Variants in IQCK observed in about 807,000 individuals in gnomAD.
IQCK encodes the protein IQ domain-containing protein K.
In IQCK, 29 loss-of-function variants were observed where a neutral mutation model predicts 28.1. The ratio of observed to expected loss-of-function variants is 1.03; its 90% confidence interval spans 0.77 to 1.41. IQCK has a LOEUF of 1.41. Among genes scored for constraint, IQCK ranks in the 40% most tolerant of loss-of-function variants. The pLI is 0.00. For synonymous variants in IQCK, 113 were observed against 115.1 expected, an observed-to-expected ratio of 0.98 and a Z score of 0.12; for missense variants, 359 against 314.7, an observed-to-expected ratio of 1.14 and a Z score of -1.07.
At chr16:19,752,720 T>C (rs1311583532) in intron 4 of IQCK, among the ~76,000 whole-genome samples, 2 of 152,132 alleles carry the variant, frequency 1.3e-5, no homozygotes, top group African/African-American at 4.8e-5. Context: ...CATGCCACCA[T>C]GCCTGGCTAG....
Position 19,718,332 on chromosome 16 carries a change from G to GC in IQCK, c.28dup (p.His10ProfsTer54), listed in dbSNP as rs1460221907. The GC allele has an allele frequency of 6.2e-7, 1 of 1,609,378 alleles. No homozygotes were observed. Among genetic ancestry groups the GC allele is most frequent in the African/African-American group, 1.3e-5 (1 of 74,844 alleles). ...ATGGCGGCACCGCGGCAAATCCCCA[G>GC]CCACATAGTGCGCCTCAAGCCCAGC... is the stretch of plus-strand genomic sequence containing the variant. On this transcript the variant is annotated frameshift_variant, in exon 1 of 8. Coordinates refer to ENST00000564186, the Ensembl canonical transcript of IQCK. LOFTEE classifies it high-confidence loss of function.
chr16:19,817,599 G>A (rs2056006303), intron 7 of IQCK, among the ~76,000 whole-genome samples: 1 of 152,160 alleles, frequency 6.6e-6, no homozygotes, highest in Non-Finnish European at 1.5e-5. Context: ...AGAATGATGA[G>A]GAAATGGATG....
At chr16:19,852,532 C>T (rs141744158) in intron 9 of IQCK, among the ~76,000 whole-genome samples, 2 of 152,088 alleles carry the variant, frequency 1.3e-5, no homozygotes, top group African/African-American at 4.8e-5. Flanking sequence ...GCTCTTTTCA[C>T]GTTTGTATGC....
chr16:19,732,605 C>T (rs1357079513), intron 2 of IQCK, among the ~76,000 whole-genome samples: 1 of 152,184 alleles, frequency 6.6e-6, no homozygotes, highest in Non-Finnish European at 1.5e-5. Context: ...GGACTACAGG[C>T]GTATGCCACC....
chr16:19,748,099 G>A (rs571673876), intron 4 of IQCK, among the ~76,000 whole-genome samples: 1 of 130,604 alleles, frequency 7.7e-6, no homozygotes, highest in South Asian at 2.4e-4. Flanking sequence ...TTTTGAGACA[G>A]TGTCTTACTC....
At chr16:19,733,328 G>A (rs1027129014) in intron 2 of IQCK, among the ~76,000 whole-genome samples, 2 of 151,942 alleles carry the variant, frequency 1.3e-5, no homozygotes, top group East Asian at 1.9e-4. Flanking sequence ...TAGTAGAAAC[G>A]GGATTTCACC....
chr16:19,744,866 G>C (rs953754258), intron 4 of IQCK, among the ~76,000 whole-genome samples: 2 of 152,174 alleles, frequency 1.3e-5, no homozygotes, highest in African/African-American at 4.8e-5. Flanking sequence ...CAAATAGCTG[G>C]TGGAAGTACA....
chr16:19,808,771 C>T (rs774911068), intron 7 of IQCK, among the ~76,000 whole-genome samples: 1 of 152,214 alleles, frequency 6.6e-6, no homozygotes, highest in Non-Finnish European at 1.5e-5. Context: ...TGTGCAGTTG[C>T]ACAGGGCAGT....
At chr16:19,754,766 C>CT (rs1597522764) in intron 4 of IQCK, among the ~76,000 whole-genome samples, 1 of 152,176 alleles carries the variant, frequency 6.6e-6, no homozygotes, top group East Asian at 1.9e-4. Flanking sequence ...GGAAGAAACT[C>CT]TATTTCCTGG....
At chr16:19,811,391 C>A (rs185937514) in intron 7 of IQCK, among the ~76,000 whole-genome samples, 1 of 152,340 alleles carries the variant, frequency 6.6e-6, no homozygotes, top group African/African-American at 2.4e-5. Context: ...GCAACTTATT[C>A]ATTCCCTGGT....
intron 9 of IQCK, among the ~76,000 whole-genome samples, chr16:19,837,055 T>C (rs910818858): frequency 6.6e-6 from 1 of 152,178 alleles, no homozygotes; most frequent in Non-Finnish European, 1.5e-5. Context: ...CAATAAATGA[T>C]AATTATTATT....
At chr16:19,766,457 A>G (rs1396050778) in intron 6 of IQCK, among the ~76,000 whole-genome samples, 1 of 152,244 alleles carries the variant, frequency 6.6e-6, no homozygotes, top group East Asian at 1.9e-4. Flanking sequence ...GGTCCAAGGC[A>G]AGAACTCAAA....
At chr16:19,807,598 A>G (rs899586682) in intron 7 of IQCK, among the ~76,000 whole-genome samples, 1 of 152,136 alleles carries the variant, frequency 6.6e-6, no homozygotes, top group Non-Finnish European at 1.5e-5. Context: ...GCATCTTTAC[A>G]TGGTTCCCAG....
intron 6 of IQCK, among the ~76,000 whole-genome samples, chr16:19,777,457 GA>G (rs535323424): frequency 2.1e-4 from 31 of 151,214 alleles, no homozygotes; most frequent in African/African-American, 6.8e-4. Context: ...CCTCTTGATA[GA>G]AAAAAAAATC....
At position 19,779,061 on chromosome 16, in the gene IQCK, C is replaced by A. The variant is rs185372100; in HGVS notation, c.606-9777C>A. 4.7e-3 allele frequency among the ~76,000 whole-genome samples: 713 copies of A among 152,250 alleles called. 5 individuals carry two copies. The highest frequency in any genetic ancestry group is 0.017 in the African/African-American group (696 of 41,534). ...GCAGTGGTGCGATCATAGCTCACTG[C>A]AGCCTCGAACTCCTGCCCTCAAGCA... On this transcript the variant is annotated intron_variant, in intron 6 of 7. Coordinates refer to ENST00000564186, the Ensembl canonical transcript of IQCK.
At chr16:19,750,363 G>C in intron 4 of IQCK, among the ~76,000 whole-genome samples, 1 of 152,034 alleles carries the variant, frequency 6.6e-6, no homozygotes. Flanking sequence ...CTGATCTCAA[G>C]TGATCTGTCC....
At chr16:19,742,798 A>G (rs571330328) in intron 4 of IQCK, among the ~76,000 whole-genome samples, 46 of 152,328 alleles carry the variant, frequency 3.0e-4, no homozygotes, top group East Asian at 5.8e-4. Context: ...TTTCTATGAC[A>G]TGGCCCCCAT....
chr16:19,741,132 A>C (rs1401870201), intron 4 of IQCK, among the ~76,000 whole-genome samples: 1 of 152,084 alleles, frequency 6.6e-6, no homozygotes, highest in Non-Finnish European at 1.5e-5. Flanking sequence ...GTCCTAGAGG[A>C]GCCATAATGA....
intron 9 of IQCK, among the ~76,000 whole-genome samples, chr16:19,841,610 G>A (rs2056362749): frequency 6.6e-6 from 1 of 152,126 alleles, no homozygotes; most frequent in Non-Finnish European, 1.5e-5. Flanking sequence ...AAGTTTATTT[G>A]TGTTAAAACA....
Sources: gnomAD v4.1 joint callset for allele counts (sites outside exome capture counted in the v4.1 genomes callset) on GRCh38, gnomAD v4.1.1 for gene constraint, MANE v1.5 for transcripts, NCBI Gene and HGNC (gene_info 2026-07-23, HGNC 2026-07-21) for gene names.